MALL: variants seen among roughly 807,000 people sequenced by gnomAD.
The protein encoded by MALL is MAL-like protein.
Under a neutral mutation model 10.3 loss-of-function variants are expected in MALL, and 2 were observed. The observed-to-expected ratio is 0.19, with a 90% CI of 0.08 to 0.61. The LOEUF is 0.61. MALL is among the 20% of genes least tolerant of loss of function. The pLI is 0.88. For missense variants in MALL, 39 were observed against 115.2 expected (o/e 0.34, Z 3.03); for synonymous variants, 27 against 51.8 (o/e 0.52, Z 2.05).
intron 1 of MALL, among the ~76,000 whole-genome samples, chr2:110,095,345 A>G (rs951478180): frequency 4.6e-5 from 7 of 152,198 alleles, no homozygotes; most frequent in African/African-American, 1.7e-4. Flanking sequence ...ATTTGATTAC[A>G]GCGAGCCATT....
At chr2:110,092,180 G>GAGT (rs1678387055) in intron 1 of MALL, among the ~76,000 whole-genome samples, 1 of 45,408 alleles carries the variant, frequency 2.2e-5, no homozygotes, top group African/African-American at 1.1e-4. Context: ...TCTCAGGCCA[G>GAGT]AGTAGGCTGA....
chr2:110,099,765 C>T (rs1373561393), intron 1 of MALL, among the ~76,000 whole-genome samples: 1 of 152,114 alleles, frequency 6.6e-6, no homozygotes, highest in Non-Finnish European at 1.5e-5. Context: ...ACAATGGTCC[C>T]TTTCTTGCTC....
chr2:110,101,021 T>G (rs1450724230), intron 1 of MALL, among the ~76,000 whole-genome samples: 1 of 151,424 alleles, frequency 6.6e-6, no homozygotes, highest in Admixed American at 6.6e-5. Flanking sequence ...TGGGTGCTCC[T>G]GGGCAGGGCT....
At chr2:110,100,393 G>T (rs1339160493) in intron 1 of MALL, among the ~76,000 whole-genome samples, 1 of 151,978 alleles carries the variant, frequency 6.6e-6, no homozygotes, top group African/African-American at 2.4e-5. Context: ...GGATCCTTTG[G>T]GCTCGGGAGT....
upstream of MALL, among the ~76,000 whole-genome samples, chr2:110,117,645 G>GAGAA (rs1678948254): frequency 6.7e-6 from 1 of 150,026 alleles, no homozygotes; most frequent in African/African-American, 2.5e-5. Context: ...GAGAGAGAGA[G>GAGAA]AGAGAGAGAG....
chr2:110,097,402 A>G (rs1242941185), intron 1 of MALL: 2 of 447,150 alleles, frequency 4.5e-6, no homozygotes, highest in East Asian at 7.0e-5. Flanking sequence ...GTAAATTTAA[A>G]AAGAAAAGAA....
intron 1 of MALL, among the ~76,000 whole-genome samples, chr2:110,104,695 C>T (rs1390358068): frequency 1.3e-5 from 2 of 152,186 alleles, no homozygotes. Flanking sequence ...ACCTGGCTCC[C>T]AGGGCCTCTG....
Position 110,097,833 on chromosome 2 carries a change from T to C in MALL, c.106-6063A>G, listed in dbSNP as rs188252424. On this transcript the variant is annotated intron_variant, in intron 1 of 3. Coordinates refer to ENST00000272462, the MANE Select transcript of MALL (RefSeq NM_005434.5). ...GCCAACCCCAAATTCCTTTTCTTAC[T>C]GCGTCTCTTAATTTTTATGACAGCT... Among the ~76,000 whole-genome samples the C allele has an allele frequency of 2.7e-4, 41 of 152,226 alleles. No individual in the cohort carries two copies. The East Asian group carries it at 7.9e-3, about 29-fold the overall frequency.
At chr2:110,099,863 G>A (rs1481277816) in intron 1 of MALL, among the ~76,000 whole-genome samples, 2 of 152,084 alleles carry the variant, frequency 1.3e-5, no homozygotes, top group Non-Finnish European at 2.9e-5. Context: ...TGACACGACC[G>A]AGCTGCTGAC....
At chr2:110,117,620 TGTGTGA>T (rs779924270), upstream of MALL, among the ~76,000 whole-genome samples, 4,837 of 132,684 alleles carry the variant, frequency 0.036, 101 homozygotes, top group South Asian at 0.049. Flanking sequence ...TGTGTGTGTG[TGTGTGA>T]GAGAGAGAGA....
chr2:110,106,748 C>A (rs1028285541), intron 1 of MALL, among the ~76,000 whole-genome samples: 1 of 152,116 alleles, frequency 6.6e-6, no homozygotes, highest in Non-Finnish European at 1.5e-5. Flanking sequence ...TACCCCCACA[C>A]AAAAGCCTGC....
chr2:110,114,188 C>A (rs1443131962), intron 1 of MALL, among the ~76,000 whole-genome samples: 2 of 152,094 alleles, frequency 1.3e-5, no homozygotes, highest in South Asian at 4.2e-4. Flanking sequence ...CTCTTTCCCC[C>A]CAGCCTGTAA....
In MALL at chr2:110,114,566, C is replaced by G. The variant is rs72826879; in HGVS notation, c.105+1122G>C. On this transcript the variant is annotated intron_variant, in intron 1 of 3. Coordinates refer to ENST00000272462, the MANE Select transcript of MALL (RefSeq NM_005434.5). ...CTGGGGATGGTAGCCTTGGCAGAAACCTGCCTCTTAGGTGGGGTTTCAGCT... is the reference window on the plus strand; with the variant it reads ...CTGGGGATGGTAGCCTTGGCAGAAAGCTGCCTCTTAGGTGGGGTTTCAGCT... Among the ~76,000 whole-genome samples, 948 of 151,808 alleles carry G rather than the reference C, an allele frequency of 6.2e-3. 9 individuals carry two copies. The highest frequency in any genetic ancestry group is 9.6e-3 in the Non-Finnish European group (649 of 67,894).
intron 1 of MALL, among the ~76,000 whole-genome samples, chr2:110,098,154 A>C (rs1348427476): frequency 1.3e-5 from 2 of 151,666 alleles, no homozygotes; most frequent in African/African-American, 2.4e-5. Context: ...TGCAGAGTGC[A>C]TGCTGTTTAA....
chr2:110,107,513 A>AC, intron 1 of MALL, among the ~76,000 whole-genome samples: 1 of 151,966 alleles, frequency 6.6e-6, no homozygotes, highest in Admixed American at 6.5e-5. Context: ...TCTCACCTTT[A>AC]CCCCTCACAG....
intron 1 of MALL, among the ~76,000 whole-genome samples, chr2:110,095,383 T>C (rs1678419259): frequency 6.6e-6 from 1 of 152,142 alleles, no homozygotes; most frequent in Non-Finnish European, 1.5e-5. Context: ...AAGCACAACT[T>C]TGGCAGATCC....
intron 1 of MALL, among the ~76,000 whole-genome samples, chr2:110,104,294 G>A (rs1678640272): frequency 6.6e-6 from 1 of 152,126 alleles, no homozygotes; most frequent in African/African-American, 2.4e-5. Context: ...TCCAACGACT[G>A]TGTCAACAAG....
chr2:110,099,727 C>T (rs1395181940), intron 1 of MALL, among the ~76,000 whole-genome samples: 2 of 152,106 alleles, frequency 1.3e-5, no homozygotes, highest in African/African-American at 4.8e-5. Context: ...GGAAAGTCTA[C>T]CTGGTGCCTG....
rs762996235 is a variant in MALL at position 110,115,716 on chromosome 2, A to G, written c.77T>C (p.Ile26Thr). Residue 26 changes from isoleucine (I) to threonine (T), a missense_variant, in exon 1 of 4, where the codon ATC (isoleucine) becomes ACC (threonine). By Grantham distance (89) the Ile-to-Thr change is moderately conservative. Around this residue, in one of 2 missense-constraint regions of MALL, gnomAD observed 39 missense variants for 48.0 expected, o/e 0.81. Transcript: ENST00000272462. ...CTCGGGCAGGAAGAAGGCGAAAGGG[A>G]TGGTGAGGAACAGCGCGACCCCCGA... ...VPSGVALFLT[I>T]PFAFFLPELI... is the part of the protein sequence containing the mutation. 1.5e-6 allele frequency: 2 copies of G among 1,290,820 alleles called. No homozygotes were observed. Among genetic ancestry groups the G allele is most frequent in the East Asian group, 2.9e-5 (1 of 34,204 alleles). The allele number at this position is 1,290,820 out of a possible 1,614,324, so 80.0% of individuals were successfully genotyped here.
Sources: gnomAD v4.1 joint callset for allele counts (sites outside exome capture counted in the v4.1 genomes callset) on GRCh38, gnomAD v4.1.1 for gene constraint, gnomAD v4.1.1 regional missense constraint, MANE v1.5 for transcripts, NCBI Gene and HGNC (gene_info 2026-07-23, HGNC 2026-07-21) for gene names.